Variants in RUNX2 observed in about 807,000 individuals in gnomAD.
The protein encoded by RUNX2 is runt-related transcription factor 2.
A neutral mutation model predicts 51.7 loss-of-function variants in RUNX2; 10 were observed. The observed-to-expected ratio is 0.19, with a 90% CI of 0.12 to 0.33. The LOEUF is 0.33. Among genes scored for constraint, RUNX2 ranks in the 10% least tolerant of loss-of-function variants. The probability of loss-of-function intolerance (pLI) is 1.00; values close to 1 mark genes in which losing one functional copy is unlikely to be tolerated. For missense variants in RUNX2, 562 were observed against 691.3 expected (o/e 0.81, Z 2.10); for synonymous variants, 276 against 273.6 (o/e 1.01, Z -0.09).
chr6:45,459,658 A>G (rs989894892), intron 5 of RUNX2, among the ~76,000 whole-genome samples: 2 of 152,254 alleles, frequency 1.3e-5, no homozygotes, highest in African/African-American at 4.8e-5. Context: ...AATGTACAAA[A>G]TTGTTTCCCT....
chr6:45,423,010 G>T, intron 3 of RUNX2, 53 bp downstream of exon 3: 4 of 1,588,160 alleles, frequency 2.5e-6, no homozygotes, highest in South Asian at 1.1e-5. Flanking sequence ...GAACCTGCCC[G>T]CCGGTGTCTT....
intron 2 of RUNX2, among the ~76,000 whole-genome samples, chr6:45,382,628 G>C (rs1438444269): frequency 6.6e-6 from 1 of 152,218 alleles, no homozygotes; most frequent in Non-Finnish European, 1.5e-5. Context: ...AGCTAAAGAA[G>C]AGTAACCCAG....
At chr6:45,488,827 G>T (rs12215249) in intron 5 of RUNX2, among the ~76,000 whole-genome samples, 40,311 of 151,958 alleles carry the variant, frequency 0.27, 6,065 homozygotes, top group Non-Finnish European at 0.34. Context: ...ACATCTACTC[G>T]TTGGCCCGTT....
At chr6:45,387,461 G>C (rs754034683) in intron 2 of RUNX2, among the ~76,000 whole-genome samples, 1 of 152,108 alleles carries the variant, frequency 6.6e-6, no homozygotes, top group Admixed American at 6.5e-5. Context: ...AAACATTCTC[G>C]CAAGAATCTG....
chr6:45,509,044 AATG>A (rs913365164), intron 6 of RUNX2, among the ~76,000 whole-genome samples: 9 of 152,194 alleles, frequency 5.9e-5, no homozygotes, highest in African/African-American at 2.2e-4. Flanking sequence ...TATTTTTAAT[AATG>A]ATGATTTTCC....
At position 45,465,088 on chromosome 6, in the gene RUNX2, G is replaced by C. The variant is rs561585650; in HGVS notation, c.686-26853G>C. Among the ~76,000 whole-genome samples the C allele has an allele frequency of 4.6e-5, 7 of 152,298 alleles. No individual in the cohort carries two copies. The East Asian group carries it at 9.6e-4, about 21-fold the overall frequency. On this transcript the variant is annotated intron_variant, in intron 5 of 8. Transcript: ENST00000647337. ...ATATGTGACTCTTTCTTTTGTCTCT[G>C]CCATGGTTCCTTATAAATCACTCGG... is the stretch of plus-strand genomic sequence containing the variant.
At chr6:45,496,213 C>T (rs1313883684) in intron 6 of RUNX2, among the ~76,000 whole-genome samples, 1 of 152,144 alleles carries the variant, frequency 6.6e-6, no homozygotes, top group Admixed American at 6.5e-5. Flanking sequence ...GGGTCCGCTA[C>T]ACCTAAAAAA....
intron 6 of RUNX2, among the ~76,000 whole-genome samples, chr6:45,496,757 C>A (rs1237418208): frequency 6.6e-6 from 1 of 152,066 alleles, no homozygotes; most frequent in Non-Finnish European, 1.5e-5. Flanking sequence ...CATAATAAAA[C>A]CTGTTTGGAT....
chr6:45,448,302 C>T (rs902168156), intron 5 of RUNX2, among the ~76,000 whole-genome samples: 1 of 152,190 alleles, frequency 6.6e-6, no homozygotes, highest in Non-Finnish European at 1.5e-5. Flanking sequence ...CTGCAGAGGT[C>T]ATGTGGCTGT....
At chr6:45,380,646 G>A (rs1477648645) in intron 2 of RUNX2, among the ~76,000 whole-genome samples, 8 of 152,202 alleles carry the variant, frequency 5.3e-5, no homozygotes, top group African/African-American at 2.4e-5. Context: ...GCCCGATCTC[G>A]GCTCACTGCA....
intron 5 of RUNX2, among the ~76,000 whole-genome samples, chr6:45,488,913 A>G (rs1055423477): frequency 6.6e-6 from 1 of 152,198 alleles, no homozygotes; most frequent in Non-Finnish European, 1.5e-5. Flanking sequence ...TTGGTCTTCC[A>G]TGTTCTTAAT....
At chr6:45,412,217 A>G (rs75260651) in intron 2 of RUNX2, among the ~76,000 whole-genome samples, 3 of 150,358 alleles carry the variant, frequency 2.0e-5, no homozygotes, top group African/African-American at 7.3e-5. Context: ...TTAGCCGGGC[A>G]TGGTAGCTCA....
chr6:45,492,280 T>A (rs979270611), intron 6 of RUNX2, among the ~76,000 whole-genome samples, 166 bp downstream of exon 6: 13 of 152,078 alleles, frequency 8.5e-5, no homozygotes, highest in African/African-American at 3.1e-4. Flanking sequence ...TTAAAAAAAA[T>A]AACATTCAAT....
Position 45,547,585 on chromosome 6 carries a change from ATTTTTG to A in RUNX2, c.*289_*294del. 1 of 474,872 alleles carries A rather than the reference ATTTTTG, an allele frequency of 2.1e-6. No homozygotes were observed. The highest frequency in any genetic ancestry group is 3.8e-6 in the Non-Finnish European group (1 of 260,404). The allele number at this position is 474,872 out of a possible 1,614,324, so 29.4% of individuals were successfully genotyped here. ...CAAAGGAACAAAGAAGGGAAAAGGT[ATTTTTG>A]TTTTTGTTGTTTGGTCTGTTATCAT... On this transcript the variant is annotated 3_prime_UTR_variant, in exon 9 of 9. Coordinates refer to ENST00000647337, the MANE Select transcript of RUNX2 (RefSeq NM_001024630.4).
chr6:45,397,861 A>G (rs544816923), intron 2 of RUNX2, among the ~76,000 whole-genome samples: 5 of 152,338 alleles, frequency 3.3e-5, no homozygotes, highest in Admixed American at 2.0e-4. Flanking sequence ...TTAAATATAA[A>G]CAACACAATG....
chr6:45,386,045 GC>G (rs1797339777), intron 2 of RUNX2, among the ~76,000 whole-genome samples: 1 of 149,844 alleles, frequency 6.7e-6, no homozygotes, highest in Non-Finnish European at 1.5e-5. Flanking sequence ...AGGGCTTACT[GC>G]CCACCCAGCA....
chr6:45,532,656 A>T (rs1319021948), intron 7 of RUNX2, among the ~76,000 whole-genome samples: 1 of 152,216 alleles, frequency 6.6e-6, no homozygotes, highest in Non-Finnish European at 1.5e-5. Flanking sequence ...TTTCACCCGA[A>T]AATTAAGTCC....
intron 2 of RUNX2, among the ~76,000 whole-genome samples, chr6:45,347,445 C>A (rs1791114762): frequency 6.6e-6 from 1 of 152,054 alleles, no homozygotes; most frequent in Admixed American, 6.6e-5. Flanking sequence ...ATCACTATGG[C>A]ACATAATGAA....
chr6:45,539,394 G>C (rs777708093), intron 7 of RUNX2, among the ~76,000 whole-genome samples: 4 of 152,166 alleles, frequency 2.6e-5, no homozygotes, highest in Non-Finnish European at 5.9e-5. Context: ...CAAAAGAATG[G>C]AGTTTGCTGG....
Sources: allele counts gnomAD v4.1 joint callset (sites outside exome capture counted in the v4.1 genomes callset), GRCh38; gene constraint gnomAD v4.1.1; transcripts MANE v1.5; gene names NCBI Gene and HGNC (gene_info 2026-07-23, HGNC 2026-07-21).